PLXNA4: variants seen among roughly 807,000 people sequenced by gnomAD.
PLXNA4 encodes plexin-A4.
PLXNA4 carries 44 observed loss-of-function variants against 191.8 expected under a neutral mutation model. The ratio of observed to expected loss-of-function variants is 0.23; its 90% CI spans 0.18 to 0.29. The LOEUF (loss-of-function observed/expected upper bound fraction) is 0.29. Ranked by LOEUF, PLXNA4 falls within the 10% of genes least tolerant of loss-of-function variation. The probability of loss-of-function intolerance (pLI) is 1.00; values close to 1 mark genes in which losing one functional copy is unlikely to be tolerated. For missense variants in PLXNA4, 1,800 were observed against 2,488.8 expected (o/e 0.72, Z 5.89); for synonymous variants, 1,082 against 1,009.5 (o/e 1.07, Z -1.36).
rs1035059054 is a variant in PLXNA4, at chr7:132,125,678, G to A, written c.*4801C>T. 4.6e-5 allele frequency: 7 copies of A among 152,218 alleles called. No homozygotes were observed. Among genetic ancestry groups the A allele is most frequent in the Admixed American group, 2.0e-4 (3 of 15,286 alleles). The allele number at this position is 152,218 out of a possible 1,614,324, so 9.4% of individuals were successfully genotyped here. On this transcript the variant is annotated 3_prime_UTR_variant, in exon 32 of 32. Coordinates refer to ENST00000321063, the MANE Select transcript of PLXNA4 (RefSeq NM_020911.2). ...CTCCCAGTCACCTGTCCTGAGAGCT[G>A]GCAGGAAGAGGGGAAGAGGCCCTTG...
chr7:132,188,239 T>A (rs1354712367), intron 14 of PLXNA4, among the ~76,000 whole-genome samples: 1 of 152,186 alleles, frequency 6.6e-6, no homozygotes, highest in Admixed American at 6.5e-5. Flanking sequence ...CCCCCAGCCC[T>A]CTGCCAGAAT....
chr7:132,488,206 C>A (rs936821420), intron 3 of PLXNA4, among the ~76,000 whole-genome samples: 3 of 152,218 alleles, frequency 2.0e-5, no homozygotes, highest in Non-Finnish European at 4.4e-5. Context: ...CCTCCACATG[C>A]TCCCATTCCA....
rs112183494 is a variant in PLXNA4, at chr7:132,158,039, T to C, written c.4660+1434A>G. 4.7e-3 allele frequency among the ~76,000 whole-genome samples: 716 copies of C among 152,210 alleles called. 4 individuals are homozygous for C. The highest frequency in any genetic ancestry group is 0.017 in the African/African-American group (692 of 41,518). On this transcript the variant is annotated intron_variant, in intron 25 of 31. Transcript: ENST00000321063. ...CCATCACACATTGGCTTCCTCTGTG[T>C]CCCAGAAACAGCATACTCAGAGACA...
chr7:132,205,503 G>A (rs981637580), intron 10 of PLXNA4, among the ~76,000 whole-genome samples: 10 of 152,148 alleles, frequency 6.6e-5, no homozygotes, highest in Non-Finnish European at 1.5e-5. Context: ...GTGTTTGTGT[G>A]TTTGTGTGTG....
intron 20 of PLXNA4, among the ~76,000 whole-genome samples, chr7:132,179,205 G>A (rs1256233577): frequency 2.9e-5 from 4 of 136,258 alleles, no homozygotes; most frequent in African/African-American, 9.0e-5. Context: ...CTGCTTGCTT[G>A]TAAATGAAAC....
chr7:132,463,925 C>G (rs1297383196), intron 3 of PLXNA4, among the ~76,000 whole-genome samples: 2 of 152,354 alleles, frequency 1.3e-5, no homozygotes, highest in East Asian at 3.9e-4. Flanking sequence ...GGCCCAGGAG[C>G]CTGTCCAATA....
At chr7:132,239,725 G>C (rs1175239384) in intron 5 of PLXNA4, among the ~76,000 whole-genome samples, 1 of 152,160 alleles carries the variant, frequency 6.6e-6, no homozygotes, top group Non-Finnish European at 1.5e-5. Context: ...CCACTCCTAG[G>C]CTCCCCTGCT....
At chr7:132,263,559 C>A (rs1045847263) in intron 4 of PLXNA4, among the ~76,000 whole-genome samples, 1 of 152,176 alleles carries the variant, frequency 6.6e-6, no homozygotes, top group Non-Finnish European at 1.5e-5. Context: ...GAAGCTTTAC[C>A]CATAGTTAGA....
chr7:132,537,295 C>A (rs1184287046), intron 1 of PLXNA4, among the ~76,000 whole-genome samples: 2 of 152,214 alleles, frequency 1.3e-5, no homozygotes, highest in African/African-American at 4.8e-5. Context: ...GAGGTTGGAG[C>A]AAGCAATGCC....
At chr7:132,579,813 C>G (rs1802368880), upstream of PLXNA4, among the ~76,000 whole-genome samples, 1 of 152,036 alleles carries the variant, frequency 6.6e-6, no homozygotes. Flanking sequence ...AAAGGCATAC[C>G]AAAGGGGGCA....
intron 4 of PLXNA4, among the ~76,000 whole-genome samples, chr7:132,284,715 G>A (rs1213214149): frequency 7.2e-5 from 11 of 152,128 alleles, no homozygotes; most frequent in Admixed American, 3.3e-4. Flanking sequence ...CACCTAATAC[G>A]CTCCAGAGGA....
chr7:132,156,151 C>G (rs1374495972), intron 25 of PLXNA4, among the ~76,000 whole-genome samples: 1 of 150,874 alleles, frequency 6.6e-6, no homozygotes, highest in Non-Finnish European at 1.5e-5. Context: ...CACACACACA[C>G]ACACACACAC....
chr7:132,542,804 G>A (rs958321394), intron 1 of PLXNA4, among the ~76,000 whole-genome samples: 2 of 152,070 alleles, frequency 1.3e-5, no homozygotes, highest in East Asian at 3.8e-4. Flanking sequence ...TTCAGTTGCT[G>A]TATTTTTTCA....
intron 30 of PLXNA4, among the ~76,000 whole-genome samples, chr7:132,137,247 T>A (rs1795140438): frequency 2.6e-5 from 4 of 152,174 alleles, no homozygotes; most frequent in Non-Finnish European, 5.9e-5. Context: ...GTGACACACA[T>A]GATAGATGAC....
intron 9 of PLXNA4, among the ~76,000 whole-genome samples, chr7:132,211,448 T>C (rs544147076): frequency 6.6e-6 from 1 of 152,344 alleles, no homozygotes. Context: ...CCTTCTACCC[T>C]AGTAGAGACT....
rs111934464 is a variant in PLXNA4 at position 132,585,879 on chromosome 7, G to A, written c.-87+60049C>T. ...ACCTCCCAAAGGCCCCAACTTGGGG[G>A]GTTAGTGCTTCAACATACGAATTGA... On this transcript the variant is annotated intron_variant, in intron 2 of 4. Coordinates refer to the PLXNA4 transcript ENST00000378539. 1.0e-3 allele frequency among the ~76,000 whole-genome samples: 156 copies of A among 152,264 alleles called. 2 individuals carry two copies. The highest frequency in any genetic ancestry group is 6.8e-3 in the Middle Eastern group (2 of 294).
intron 3 of PLXNA4, among the ~76,000 whole-genome samples, chr7:132,448,743 C>A (rs977808784): frequency 1.5e-4 from 23 of 152,226 alleles, no homozygotes; most frequent in Non-Finnish European, 1.9e-4. Context: ...TGGATCCTAT[C>A]ATTTCTCAGA....
chr7:132,574,459 C>T (rs930814294), intron 1 of PLXNA4, among the ~76,000 whole-genome samples: 3 of 152,232 alleles, frequency 2.0e-5, no homozygotes, highest in African/African-American at 7.2e-5. Flanking sequence ...ATTTCTTCCA[C>T]AGCCCGGAAG....
At chr7:132,332,903 A>T (rs867183820) in intron 3 of PLXNA4, among the ~76,000 whole-genome samples, 10 of 151,910 alleles carry the variant, frequency 6.6e-5, no homozygotes, top group African/African-American at 2.4e-4. Context: ...CCATGTTTAT[A>T]GACAACAGAA....
Sources: allele counts gnomAD v4.1 joint callset (sites outside exome capture counted in the v4.1 genomes callset), GRCh38; gene constraint gnomAD v4.1.1; transcripts MANE v1.5; gene names NCBI Gene and HGNC (gene_info 2026-07-23, HGNC 2026-07-21).